Variants in CDC42BPB observed in about 807,000 individuals in gnomAD.
CDC42BPB encodes the protein CDC42 binding protein kinase beta, also known as serine/threonine-protein kinase MRCK beta.
In CDC42BPB, 37 loss-of-function variants were observed where a neutral mutation model predicts 214.9. The observed-to-expected ratio is 0.17, with a 90% CI of 0.13 to 0.23. The LOEUF (loss-of-function observed/expected upper bound fraction) is 0.23. CDC42BPB is among the 10% of genes least tolerant of loss of function. The pLI is 1.00. For missense variants in CDC42BPB, 1,694 were observed against 2,227.0 expected, an observed-to-expected ratio of 0.76 and a Z score of 4.82; for synonymous variants, 931 against 884.0, an observed-to-expected ratio of 1.05 and a Z score of -0.94.
chr14:103,018,870 G>A (rs1458315507), intron 1 of CDC42BPB, among the ~76,000 whole-genome samples: 1 of 152,232 alleles, frequency 6.6e-6, no homozygotes, highest in Non-Finnish European at 1.5e-5. Context: ...GGCGTGAGAA[G>A]TGGGAGAACC....
intron 21 of CDC42BPB, among the ~76,000 whole-genome samples, chr14:102,957,201 A>T (rs1409470561): frequency 1.4e-4 from 20 of 142,546 alleles, no homozygotes; most frequent in African/African-American, 5.0e-4. Flanking sequence ...ACTGTCTCAA[A>T]AAAAAAAAAA....
At chr14:103,041,365 CTT>C (rs1887982004) in intron 1 of CDC42BPB, 1 of 499,124 alleles carries the variant, frequency 2.0e-6, no homozygotes, top group Non-Finnish European at 3.5e-6. Context: ...AGGTATGAAA[CTT>C]TGTGACCTTG....
chr14:102,989,549 T>C (rs1407288302), intron 5 of CDC42BPB, among the ~76,000 whole-genome samples: 1 of 152,228 alleles, frequency 6.6e-6, no homozygotes, highest in Admixed American at 6.5e-5. Context: ...TTACCTATGG[T>C]AGTTCGCAGT....
intron 21 of CDC42BPB, chr14:102,954,918 G>T: frequency 2.1e-6 from 1 of 475,362 alleles, no homozygotes; most frequent in Non-Finnish European, 2.8e-6. Context: ...CAGCTGAGTG[G>T]TGATTGCGTG....
chr14:102,946,199 T>A (rs755893234), intron 28 of CDC42BPB, among the ~76,000 whole-genome samples: 54 of 152,200 alleles, frequency 3.5e-4, no homozygotes, highest in African/African-American at 7.0e-4. Context: ...TTTTATTTTT[T>A]TTTTTAGCAG....
Position 102,939,812 on chromosome 14 carries a change from G to T in CDC42BPB, c.4709+18C>A, listed in dbSNP as rs373428218. ...CCTAGAGCGAGGCCCAGCAGGCCCC[G>T]TGAGGCCCCGCTCCTACCGCCTCTG... On this transcript the variant is annotated intron_variant, in intron 33 of 36. Transcript: ENST00000361246. The T allele has an allele frequency of 3.7e-6, 6 of 1,613,970 alleles. No homozygotes were observed. Among genetic ancestry groups the T allele is most frequent in the Non-Finnish European group, 5.1e-6 (6 of 1,180,018 alleles).
At chr14:102,959,767 T>TTAAAG (rs1892872625) in intron 20 of CDC42BPB, 57 bp from the exon 21 acceptor site, 100 of 1,551,786 alleles carry the variant, frequency 6.4e-5, no homozygotes, top group Non-Finnish European at 8.3e-5. Flanking sequence ...ACATATTATT[T>TTAAAG]TCAGACAGAC....
intron 13 of CDC42BPB, 41 bp from the exon 14 acceptor site, chr14:102,970,302 C>T: frequency 6.4e-7 from 1 of 1,571,324 alleles, no homozygotes; most frequent in Non-Finnish European, 8.6e-7. Flanking sequence ...AAAAAGCGAG[C>T]CCTGCTTCAC....
At chr14:102,985,543 A>C (rs1198893987) in intron 6 of CDC42BPB, among the ~76,000 whole-genome samples, 1 of 152,248 alleles carries the variant, frequency 6.6e-6, no homozygotes, top group African/African-American at 2.4e-5. Context: ...CCAATTAATC[A>C]ATATGTGGTC....
At chr14:103,026,784 C>T (rs1486896247) in intron 1 of CDC42BPB, among the ~76,000 whole-genome samples, 2 of 151,864 alleles carry the variant, frequency 1.3e-5, no homozygotes, top group East Asian at 1.9e-4. Context: ...AGGAGAATGG[C>T]GTGAACCCGG....
intron 1 of CDC42BPB, among the ~76,000 whole-genome samples, chr14:103,023,839 G>A (rs1486111841): frequency 1.3e-5 from 2 of 152,094 alleles, no homozygotes; most frequent in African/African-American, 2.4e-5. Flanking sequence ...CCAAACAGAG[G>A]TATTTAAGAT....
At chr14:102,966,936 T>A (rs1401735212) in intron 17 of CDC42BPB, 110 bp downstream of exon 17, 2 of 1,318,640 alleles carry the variant, frequency 1.5e-6, no homozygotes, top group Non-Finnish European at 2.1e-6. Context: ...CACCCCAGCC[T>A]GAGAGGCACG....
chr14:102,939,065 T>C (rs1040432376), intron 34 of CDC42BPB, among the ~76,000 whole-genome samples: 3 of 152,152 alleles, frequency 2.0e-5, no homozygotes, highest in Non-Finnish European at 2.9e-5. Context: ...GCCTCCCCAG[T>C]AGCTGGGACT....
chr14:102,994,601 G>C (rs767553865), intron 5 of CDC42BPB, among the ~76,000 whole-genome samples: 19 of 152,214 alleles, frequency 1.2e-4, no homozygotes, highest in Non-Finnish European at 1.9e-4. Flanking sequence ...CGTCTTCAGG[G>C]GAGAGTCAGG....
At chr14:103,050,872 T>C (rs1595196912) in intron 1 of CDC42BPB, among the ~76,000 whole-genome samples, 2 of 152,286 alleles carry the variant, frequency 1.3e-5, no homozygotes, top group South Asian at 4.1e-4. Context: ...AGGTCCCAAA[T>C]GTTCTCCAAA....
chr14:103,053,526 CCA>C (rs1274355990), intron 1 of CDC42BPB, among the ~76,000 whole-genome samples: 3 of 151,846 alleles, frequency 2.0e-5, no homozygotes, highest in South Asian at 2.1e-4. Context: ...CTTTGGGAGG[CCA>C]AGGGGGGCAG....
At chr14:102,985,893 G>A (rs1894224050) in intron 6 of CDC42BPB, among the ~76,000 whole-genome samples, 2 of 152,252 alleles carry the variant, frequency 1.3e-5, no homozygotes, top group Non-Finnish European at 2.9e-5. Flanking sequence ...CATGACGCTG[G>A]TCTGACTGCG....
intron 1 of CDC42BPB, among the ~76,000 whole-genome samples, chr14:103,036,884 A>G (rs1004135348): frequency 6.6e-6 from 1 of 152,092 alleles, no homozygotes; most frequent in African/African-American, 2.4e-5. Context: ...TGGCACAATC[A>G]TGGTTCACTG....
In CDC42BPB at chr14:102,933,597, A is replaced by G. The variant is rs532515816; in HGVS notation, c.*115T>C. The G allele has an allele frequency of 6.7e-5, 55 of 822,318 alleles. No individual in the cohort carries two copies. The highest frequency in any genetic ancestry group is 3.7e-4 in the Middle Eastern group (1 of 2,710). 50.9% of individuals were successfully genotyped at this position (822,318 alleles called of 1,614,324 possible). A position where few individuals can be genotyped will look rare whatever the true frequency, so the allele number is the denominator to read the frequency against. On this transcript the variant is annotated 3_prime_UTR_variant, in exon 37 of 37. Coordinates refer to ENST00000361246, the MANE Select transcript of CDC42BPB (RefSeq NM_006035.4). ...ATAAAGATTTGTCTTCTTCATCTCC[A>G]TATCTACAAAGTGATTCTACATTTC...
Sources: allele counts gnomAD v4.1 joint callset (sites outside exome capture counted in the v4.1 genomes callset), GRCh38; gene constraint gnomAD v4.1.1; transcripts MANE v1.5; gene names NCBI Gene and HGNC (gene_info 2026-07-23, HGNC 2026-07-21).